CNTN4: variants seen among roughly 807,000 people sequenced by gnomAD.
The protein encoded by CNTN4 is contactin-4.
In CNTN4, 77 loss-of-function variants were observed where a neutral mutation model predicts 122.5. That is an observed-to-expected ratio of 0.63 (90% CI 0.52 to 0.76). The LOEUF is 0.76. CNTN4 is among the 30% of genes least tolerant of loss of function. The probability of loss-of-function intolerance (pLI) is 0.00; values close to 1 mark genes in which losing one functional copy is unlikely to be tolerated. For synonymous variants in CNTN4, 512 were observed against 447.0 expected (o/e 1.15, Z -1.83); for missense variants, 1,256 against 1,259.1 (o/e 1.00, Z 0.04).
intron 4 of CNTN4, among the ~76,000 whole-genome samples, chr3:2,727,443 G>C (rs1001257925): frequency 7.9e-5 from 12 of 152,180 alleles, no homozygotes; most frequent in African/African-American, 2.9e-4. Context: ...GTCATAACTA[G>C]GGCTTGGCGT....
chr3:2,351,408 C>A (rs1372437798), intron 3 of CNTN4, among the ~76,000 whole-genome samples: 3 of 152,114 alleles, frequency 2.0e-5, no homozygotes, highest in Non-Finnish European at 2.9e-5. Context: ...ACGTAGTTTT[C>A]CACAATTTTT....
intron 3 of CNTN4, among the ~76,000 whole-genome samples, chr3:2,413,557 T>C (rs1391972593): frequency 6.6e-6 from 1 of 152,136 alleles, no homozygotes; most frequent in East Asian, 1.9e-4. Context: ...TTTCTTTTTT[T>C]TTTTGAGACG....
intron 3 of CNTN4, among the ~76,000 whole-genome samples, chr3:2,480,221 A>G (rs1418755595): frequency 6.6e-6 from 1 of 152,170 alleles, no homozygotes; most frequent in African/African-American, 2.4e-5. Context: ...AAGCAAGGAT[A>G]ACTTCTACCA....
At chr3:2,817,422 G>A (rs988048164) in intron 6 of CNTN4, among the ~76,000 whole-genome samples, 1 of 152,096 alleles carries the variant, frequency 6.6e-6, no homozygotes, top group Non-Finnish European at 1.5e-5. Flanking sequence ...TTATCATCTG[G>A]AATCTATTTC....
At chr3:2,521,909 C>G (rs1213721446) in intron 3 of CNTN4, among the ~76,000 whole-genome samples, 1 of 152,016 alleles carries the variant, frequency 6.6e-6, no homozygotes, top group Admixed American at 6.6e-5. Flanking sequence ...CAAAAGTAAT[C>G]GTGCTTATCA....
intron 3 of CNTN4, among the ~76,000 whole-genome samples, chr3:2,510,043 T>TA (rs2076838964): frequency 6.6e-6 from 1 of 152,162 alleles, no homozygotes; most frequent in African/African-American, 2.4e-5. Flanking sequence ...CCCACACATT[T>TA]AAAATTTACT....
chr3:2,847,781 T>G (rs2093479446), intron 7 of CNTN4, among the ~76,000 whole-genome samples: 1 of 152,182 alleles, frequency 6.6e-6, no homozygotes, highest in African/African-American at 2.4e-5. Context: ...TCCACCACCA[T>G]GCATCAGAAC....
At chr3:2,125,328 C>CTG (rs1350582197) in intron 2 of CNTN4, among the ~76,000 whole-genome samples, 2 of 69,866 alleles carry the variant, frequency 2.9e-5, no homozygotes, top group African/African-American at 9.5e-5. Flanking sequence ...ACATTCTATT[C>CTG]TCTGTGTGTG....
intron 13 of CNTN4, among the ~76,000 whole-genome samples, chr3:2,971,623 A>G (rs1692934035): frequency 6.6e-6 from 1 of 152,238 alleles, no homozygotes; most frequent in African/African-American, 2.4e-5. Context: ...TATAGAAAGG[A>G]TCAGAGTTGA....
At chr3:2,198,153 T>A (rs1334135638) in intron 2 of CNTN4, among the ~76,000 whole-genome samples, 1 of 152,144 alleles carries the variant, frequency 6.6e-6, no homozygotes, top group African/African-American at 2.4e-5. Flanking sequence ...GAACCATAAA[T>A]CTGTAATACT....
intron 14 of CNTN4, among the ~76,000 whole-genome samples, chr3:3,000,880 CT>C (rs59337830): frequency 0.11 from 14,864 of 131,420 alleles, 659 homozygotes; most frequent in African/African-American, 0.2. Flanking sequence ...TTCTTTCTTT[CT>C]TTTTTTTTTT....
At chr3:2,185,734 G>C (rs1575029740) in intron 2 of CNTN4, among the ~76,000 whole-genome samples, 1 of 152,090 alleles carries the variant, frequency 6.6e-6, no homozygotes, top group African/African-American at 2.4e-5. Flanking sequence ...ATGGTACAAA[G>C]TATTTCTTGG....
chr3:3,042,243 G>GCTAGC, intron 20 of CNTN4, 67 bp from the exon 21 acceptor site: 2 of 1,088,936 alleles, frequency 1.8e-6, no homozygotes, highest in Non-Finnish European at 2.8e-6. Flanking sequence ...ACCTTATAAT[G>GCTAGC]CTAGTATCTA....
At chr3:3,045,457 C>T (rs1413059537) in intron 23 of CNTN4, among the ~76,000 whole-genome samples, 1 of 152,224 alleles carries the variant, frequency 6.6e-6, no homozygotes, top group African/African-American at 2.4e-5. Context: ...CAGGCAGCAA[C>T]ATTTGCTGTT....
chr3:2,566,943 A>C (rs1430884850), intron 3 of CNTN4, among the ~76,000 whole-genome samples: 1 of 152,176 alleles, frequency 6.6e-6, no homozygotes, highest in Non-Finnish European at 1.5e-5. Context: ...AAAAGCAAAA[A>C]AGGTAAAATA....
chr3:2,354,547 A>G (rs147315611), intron 3 of CNTN4, among the ~76,000 whole-genome samples: 86 of 152,296 alleles, frequency 5.6e-4, no homozygotes, highest in African/African-American at 1.9e-3. Flanking sequence ...AAAAACCTGA[A>G]TATTTTGAAC....
chr3:2,732,027 A>G (rs1387286480), intron 4 of CNTN4, among the ~76,000 whole-genome samples: 1 of 152,082 alleles, frequency 6.6e-6, no homozygotes, highest in Non-Finnish European at 1.5e-5. Context: ...CAGTTTTATA[A>G]CTTTCTGTTC....
intron 4 of CNTN4, among the ~76,000 whole-genome samples, chr3:2,734,008 AT>A (rs755440334): frequency 1.3e-5 from 2 of 152,074 alleles, no homozygotes; most frequent in African/African-American, 2.4e-5. Flanking sequence ...GTGTAGGTAC[AT>A]GTGTGTTTAT....
At chr3:2,282,322 T>C (rs2041746318) in intron 2 of CNTN4, among the ~76,000 whole-genome samples, 1 of 152,110 alleles carries the variant, frequency 6.6e-6, no homozygotes, top group Non-Finnish European at 1.5e-5. Flanking sequence ...CTCTAAGGCA[T>C]CTTCCTTAAA....
Sources: gnomAD v4.1 joint callset for allele counts (sites outside exome capture counted in the v4.1 genomes callset) on GRCh38, gnomAD v4.1.1 for gene constraint, MANE v1.5 for transcripts, NCBI Gene and HGNC (gene_info 2026-07-23, HGNC 2026-07-21) for gene names.